Variants in NBAS observed in about 807,000 individuals in gnomAD.
NBAS encodes NAG/BC035112 fusion.
A neutral mutation model predicts 302.5 loss-of-function variants in NBAS; 219 were observed. That is an observed-to-expected ratio of 0.72 (90% CI 0.65 to 0.81). The LOEUF (loss-of-function observed/expected upper bound fraction) is 0.81. Ranked by LOEUF, NBAS falls within the 30% of genes least tolerant of loss-of-function variation. The pLI, the probability that NBAS is intolerant of heterozygous loss-of-function variation, is 0.00. For missense variants in NBAS, 2,932 were observed against 2,841.6 expected, an observed-to-expected ratio of 1.03 and a Z score of -0.72; for synonymous variants, 1,118 against 1,021.6, an observed-to-expected ratio of 1.09 and a Z score of -1.80.
intron 21 of NBAS, among the ~76,000 whole-genome samples, chr2:15,448,501 G>A (rs1006430985): frequency 8.6e-5 from 13 of 151,984 alleles, no homozygotes; most frequent in Admixed American, 5.9e-4. Flanking sequence ...CACACAAGAC[G>A]TACGTCCCTG....
At position 15,321,913 on chromosome 2, in the gene NBAS, T is replaced by A. The variant is rs549418936; in HGVS notation, c.4582+5837A>T. Among the ~76,000 whole-genome samples the A allele has an allele frequency of 2.0e-5, 3 of 152,302 alleles. No individual in the cohort carries two copies. In the South Asian group the frequency reaches 6.2e-4, roughly 32 times the overall value. ...GGGTATATACCCCAAGGATTATAAA[T>A]CATGCTACTATAAAGACATATGCAC... On this transcript the variant is annotated intron_variant, in intron 38 of 51. Transcript: ENST00000281513.
At chr2:15,045,535 AT>A in the NBAS span, among the ~76,000 whole-genome samples, 1 of 152,204 alleles carries the variant, frequency 6.6e-6, no homozygotes, top group African/African-American at 2.4e-5. Flanking sequence ...ATTTAAAAAA[AT>A]GTGGTGTATA....
the NBAS span, among the ~76,000 whole-genome samples, chr2:15,122,581 A>T: frequency 6.6e-6 from 1 of 152,154 alleles, no homozygotes; most frequent in Admixed American, 6.5e-5. Flanking sequence ...TAGAGGGGAC[A>T]TACATCCAAA....
At chr2:15,476,636 A>C (rs1472209684) in intron 13 of NBAS, among the ~76,000 whole-genome samples, 1 of 151,880 alleles carries the variant, frequency 6.6e-6, no homozygotes, top group Admixed American at 6.6e-5. Context: ...AATCACTTGA[A>C]CCCGGGAGAT....
the NBAS span, among the ~76,000 whole-genome samples, chr2:14,973,948 T>C: frequency 6.6e-6 from 1 of 152,174 alleles, no homozygotes; most frequent in Non-Finnish European, 1.5e-5. Context: ...TGAAATGCCA[T>C]TCCCCATCTA....
chr2:14,843,594 ATAAGGACCAAAAATCAGGTGAG>A, the NBAS span, among the ~76,000 whole-genome samples: 4 of 151,586 alleles, frequency 2.6e-5, no homozygotes, highest in Non-Finnish European at 5.9e-5. Context: ...AAATACCTTC[ATAAGGACCAAAAATCAGGTGAG>A]TACTCACAGT....
the NBAS span, among the ~76,000 whole-genome samples, chr2:15,027,985 G>A: frequency 4.1e-3 from 617 of 152,168 alleles, 6 homozygotes; most frequent in African/African-American, 0.014. Flanking sequence ...AAACAACTCT[G>A]CCTCATCATC....
chr2:14,922,900 C>T, the NBAS span, among the ~76,000 whole-genome samples: 1 of 152,138 alleles, frequency 6.6e-6, no homozygotes, highest in Non-Finnish European at 1.5e-5. Context: ...CAACTGTAAT[C>T]CCAGCACTTT....
At chr2:15,313,889 C>G (rs1572638733) in intron 38 of NBAS, among the ~76,000 whole-genome samples, 1 of 152,206 alleles carries the variant, frequency 6.6e-6, no homozygotes, top group East Asian at 1.9e-4. Flanking sequence ...CTCTGGCTTT[C>G]TATTACTCTT....
At chr2:15,138,337 A>T in the NBAS span, among the ~76,000 whole-genome samples, 1 of 152,330 alleles carries the variant, frequency 6.6e-6, no homozygotes, top group East Asian at 1.9e-4. Flanking sequence ...AGCAGAGGCC[A>T]AGTGGTGCAG....
the NBAS span, among the ~76,000 whole-genome samples, chr2:14,944,229 G>C: frequency 6.6e-5 from 10 of 152,282 alleles, no homozygotes; most frequent in Middle Eastern, 3.4e-3. Flanking sequence ...GAACCCGGGA[G>C]GCGGAGCTTG....
the NBAS span, among the ~76,000 whole-genome samples, chr2:15,086,373 T>C: frequency 6.6e-6 from 1 of 152,188 alleles, no homozygotes; most frequent in Non-Finnish European, 1.5e-5. Flanking sequence ...ATAAAGCTCC[T>C]TTTCCTCTTG....
At chr2:15,386,602 C>T (rs1675310766) in intron 28 of NBAS, among the ~76,000 whole-genome samples, 1 of 152,152 alleles carries the variant, frequency 6.6e-6, no homozygotes, top group Admixed American at 6.5e-5. Flanking sequence ...ATCCATAACT[C>T]CAGTTCGGAC....
the NBAS span, among the ~76,000 whole-genome samples, chr2:15,150,565 C>G: frequency 2.0e-4 from 31 of 152,170 alleles, no homozygotes; most frequent in African/African-American, 6.8e-4. Flanking sequence ...GGACTGATAC[C>G]TGGCCCTTCC....
intron 41 of NBAS, 110 bp from the exon 42 acceptor site, chr2:15,287,293 G>A (rs1670090222): frequency 1.3e-6 from 1 of 792,206 alleles, no homozygotes; most frequent in Non-Finnish European, 2.2e-6. Context: ...GGTGCAAGCA[G>A]TGTGGTCCTT....
chr2:15,519,754 C>T (rs1260229433), intron 9 of NBAS, among the ~76,000 whole-genome samples: 1 of 152,114 alleles, frequency 6.6e-6, no homozygotes, highest in Non-Finnish European at 1.5e-5. Context: ...CAAGAATTTG[C>T]ATTTCTAACC....
At chr2:15,188,192 T>C (rs1158139376) in intron 49 of NBAS, among the ~76,000 whole-genome samples, 2 of 152,180 alleles carry the variant, frequency 1.3e-5, no homozygotes, top group African/African-American at 2.4e-5. Context: ...CTTCCTTAAG[T>C]ACAAACTCAG....
chr2:15,338,494 A>C (rs150642672), intron 35 of NBAS, among the ~76,000 whole-genome samples: 65 of 152,272 alleles, frequency 4.3e-4, no homozygotes, highest in Non-Finnish European at 5.0e-4. Flanking sequence ...CTATGGAGTA[A>C]ATCACTCTAA....
intron 6 of NBAS, among the ~76,000 whole-genome samples, chr2:15,543,471 G>A (rs911846698): frequency 2.6e-5 from 4 of 152,004 alleles, no homozygotes; most frequent in Non-Finnish European, 4.4e-5. Context: ...ATATCAGTCC[G>A]TTTTCATGCT....
Sources: allele counts gnomAD v4.1 joint callset (sites outside exome capture counted in the v4.1 genomes callset), GRCh38; gene constraint gnomAD v4.1.1; transcripts MANE v1.5; gene names NCBI Gene and HGNC (gene_info 2026-07-23, HGNC 2026-07-21).